The following MCF2L variants were observed in gnomAD, a reference collection of about 807,000 sequenced individuals.
The protein encoded by MCF2L is guanine nucleotide exchange factor DBS.
In MCF2L, 97 loss-of-function variants were observed where a neutral mutation model predicts 153.4. That is an observed-to-expected ratio of 0.63 (90% CI 0.54 to 0.75). The LOEUF (loss-of-function observed/expected upper bound fraction) is 0.75, where lower values mean the gene tolerates loss of function less well. Ranked by LOEUF, MCF2L falls within the 30% of genes least tolerant of loss-of-function variation. MCF2L has a pLI of 0.00. For synonymous variants in MCF2L, 659 were observed against 632.2 expected (o/e 1.04, Z -0.64); for missense variants, 1,347 against 1,495.2 (o/e 0.90, Z 1.64).
Position 113,064,983 on chromosome 13 carries a change from G to A in MCF2L, c.654G>A (p.Leu218=). The A allele has an allele frequency of 1.2e-6, 2 of 1,613,202 alleles. No individual in the cohort carries two copies. Among genetic ancestry groups the A allele is most frequent in the East Asian group, 2.2e-5 (1 of 44,878 alleles). The change falls in exon 7 of 30, where the codon CTG becomes CTA. Residue 218 remains leucine (L), a synonymous_variant. Coordinates refer to ENST00000535094, the MANE Select transcript of MCF2L (RefSeq NM_001112732.3). This position sits in a 1 kb window ranked among gnomAD's most constrained non-coding sequence, Gnocchi z 6.0. ...TGGTGAAGCAGACGGCTCAGATGCT[G>A]CAGTCCTTCGGGACCGAGCTGGCTG... is the stretch of plus-strand genomic sequence containing the variant. ...ALMVKQTAQM[L]QSFGTELAET...
intron 2 of MCF2L, among the ~76,000 whole-genome samples, chr13:112,939,659 GGA>G (rs1388458986): frequency 6.6e-6 from 1 of 152,140 alleles, no homozygotes; most frequent in Admixed American, 6.5e-5. Flanking sequence ...TGCAGCAGAG[GGA>G]GAGACACTCT....
intron 2 of MCF2L, among the ~76,000 whole-genome samples, chr13:112,926,817 G>A (rs2140597511): frequency 6.6e-6 from 1 of 152,276 alleles, no homozygotes; most frequent in African/African-American, 2.4e-5. Flanking sequence ...GGTGGGATGT[G>A]CTGGGAAGAT....
intron 3 of MCF2L, among the ~76,000 whole-genome samples, chr13:113,033,257 G>A (rs1448708347): frequency 1.1e-5 from 1 of 89,424 alleles, no homozygotes; most frequent in Non-Finnish European, 2.6e-5. Context: ...CGTGACATTA[G>A]TGGACCCCGT....
At chr13:112,984,177 T>G (rs1028452370) in intron 1 of MCF2L, among the ~76,000 whole-genome samples, 1 of 152,222 alleles carries the variant, frequency 6.6e-6, no homozygotes, top group Non-Finnish European at 1.5e-5. Context: ...CTGGGGTATT[T>G]GGAGCTGAGT....
intron 1 of MCF2L, among the ~76,000 whole-genome samples, chr13:112,895,144 C>A (rs934994630): frequency 2.0e-5 from 3 of 152,160 alleles, no homozygotes; most frequent in Non-Finnish European, 2.9e-5. Context: ...GGCTCTTCTC[C>A]CAGCTGTGGG....
intron 1 of MCF2L, among the ~76,000 whole-genome samples, chr13:112,977,214 T>C (rs901896677): frequency 6.6e-6 from 1 of 152,176 alleles, no homozygotes. Context: ...TTCTTAACAG[T>C]AGCTTGGGGC....
At chr13:113,051,282 C>T (rs896768711) in intron 4 of MCF2L, among the ~76,000 whole-genome samples, 40 of 88,500 alleles carry the variant, frequency 4.5e-4, no homozygotes, top group African/African-American at 1.4e-3. Context: ...GGTGGGGCGG[C>T]TCTGGGGGCG....
chr13:113,092,701 C>T (rs2035320505), intron 26 of MCF2L, among the ~76,000 whole-genome samples: 1 of 152,280 alleles, frequency 6.6e-6, no homozygotes, highest in Non-Finnish European at 1.5e-5. Flanking sequence ...GCTCCTGGTG[C>T]AGCAGTGCTG....
chr13:112,984,767 C>G lies in MCF2L; in HGVS notation c.79+15309C>G, dbSNP rs567416155. On this transcript the variant is annotated intron_variant, in intron 1 of 29. Coordinates refer to ENST00000535094, the MANE Select transcript of MCF2L (RefSeq NM_001112732.3). Reference sequence around the variant, plus strand: ...TGGGAGGAACCAATCCCTCAGCAATCACACTTGACTCCCTCGAAGGAAAGC... The same window carrying G: ...TGGGAGGAACCAATCCCTCAGCAATGACACTTGACTCCCTCGAAGGAAAGC... 9.2e-5 allele frequency among the ~76,000 whole-genome samples: 14 copies of G among 152,298 alleles called. No homozygotes were observed. The East Asian group carries it at 1.5e-3, about 17-fold the overall frequency.
At chr13:113,087,613 A>G in intron 22 of MCF2L, 94 bp from the exon 23 acceptor site, 3 of 1,205,704 alleles carry the variant, frequency 2.5e-6, no homozygotes, top group Non-Finnish European at 3.6e-6. Context: ...CCCCCAAAGT[A>G]TTTCCATCAT....
At chr13:112,968,113 TCTC>T, upstream of MCF2L, 1 of 194,520 alleles carries the variant, frequency 5.1e-6, no homozygotes, top group Admixed American at 6.4e-5. Flanking sequence ...TCTCTCTCTC[TCTC>T]TCTTTTAACT....
intron 4 of MCF2L, chr13:113,052,667 G>A (rs1046350605): frequency 9.7e-5 from 15 of 155,186 alleles, no homozygotes; most frequent in African/African-American, 3.6e-4. Flanking sequence ...TCAACTTTCA[G>A]TTCAGAAAAA....
intron 1 of MCF2L, among the ~76,000 whole-genome samples, chr13:112,982,235 C>G (rs1039309701): frequency 3.3e-5 from 5 of 152,188 alleles, no homozygotes; most frequent in Non-Finnish European, 5.9e-5. Context: ...CCGTGCCCAC[C>G]TCGTGAAGGG....
At chr13:112,905,485 G>A (rs543524101) in intron 2 of MCF2L, among the ~76,000 whole-genome samples, 3 of 152,356 alleles carry the variant, frequency 2.0e-5, no homozygotes, top group African/African-American at 7.2e-5. Context: ...TAGGGGCAAG[G>A]AGGCAAGGAA....
At chr13:112,982,119 C>T (rs1422812661) in intron 1 of MCF2L, among the ~76,000 whole-genome samples, 5 of 151,958 alleles carry the variant, frequency 3.3e-5, no homozygotes, top group Non-Finnish European at 5.9e-5. Context: ...ATGGGGCCGA[C>T]GAGGGGGACA....
intron 1 of MCF2L, chr13:112,979,826 C>G: frequency 7.0e-7 from 1 of 1,426,758 alleles, no homozygotes; most frequent in Non-Finnish European, 9.5e-7. Context: ...GTCCTCTCTG[C>G]GGGCAGGTGC....
rs1308936227 is a variant in MCF2L at position 113,031,621 on chromosome 13, G to C, written c.278+6863G>C. On this transcript the variant is annotated intron_variant, in intron 3 of 29. Coordinates refer to ENST00000535094, the MANE Select transcript of MCF2L (RefSeq NM_001112732.3). The surrounding 1 kb of genome is among the most constrained non-coding windows in gnomAD (Gnocchi z 5.5). ...GGAGGAGCTGGGAGATGGGGAGGAG[G>C]GCGGCGGCCCTCAGAGAAGGGACGA... is the stretch of plus-strand genomic sequence containing the variant. Among the ~76,000 whole-genome samples, 1 of 152,008 alleles carries C rather than the reference G, an allele frequency of 6.6e-6. No homozygotes were observed. The highest frequency in any genetic ancestry group is 1.5e-5 in the Non-Finnish European group (1 of 68,010).
chr13:112,946,853 C>T (rs1218009655), intron 2 of MCF2L, among the ~76,000 whole-genome samples: 1 of 152,070 alleles, frequency 6.6e-6, no homozygotes, highest in African/African-American at 2.4e-5. Flanking sequence ...AACAAAGAAC[C>T]CTGGACTCAA....
chr13:113,096,120 T>C (rs1336950122), intron 27 of MCF2L: 4 of 579,068 alleles, frequency 6.9e-6, no homozygotes, highest in Non-Finnish European at 1.2e-5. Context: ...GAGCTGTGTG[T>C]GGAGACCAGC....
Sources: gnomAD v4.1 joint callset for allele counts (sites outside exome capture counted in the v4.1 genomes callset) on GRCh38, gnomAD v4.1.1 for gene constraint, Gnocchi (gnomAD v3.1) non-coding constraint, MANE v1.5 for transcripts, NCBI Gene and HGNC (gene_info 2026-07-23, HGNC 2026-07-21) for gene names.